Variants in SERINC5 observed in about 807,000 individuals in gnomAD.
The protein encoded by SERINC5 is serine incorporator 5.
Under a neutral mutation model 63.1 loss-of-function variants are expected in SERINC5, and 41 were observed. That is an observed-to-expected ratio of 0.65 (90% CI 0.51 to 0.84). The LOEUF (loss-of-function observed/expected upper bound fraction) is 0.84. Among genes scored for constraint, SERINC5 ranks in the 40% least tolerant of loss-of-function variants. The probability of loss-of-function intolerance (pLI) is 0.00; values close to 1 mark genes in which losing one functional copy is unlikely to be tolerated. For synonymous variants in SERINC5, 222 were observed against 215.2 expected (o/e 1.03, Z -0.28); for missense variants, 523 against 573.0 (o/e 0.91, Z 0.89).
chr5:80,200,435 G>T (rs4703804), intron 2 of SERINC5, among the ~76,000 whole-genome samples: 33,196 of 150,812 alleles, frequency 0.22, 4,593 homozygotes, highest in East Asian at 0.49. Flanking sequence ...GCAGTGAGCC[G>T]AGATCGCACC....
chr5:80,168,319 C>G (rs1300632421), intron 6 of SERINC5, among the ~76,000 whole-genome samples: 1 of 152,008 alleles, frequency 6.6e-6, no homozygotes, highest in Non-Finnish European at 1.5e-5. Context: ...CTCTCAGCCT[C>G]CCGGGTAGCT....
chr5:80,243,743 T>TTAAA (rs70982044), intron 1 of SERINC5, among the ~76,000 whole-genome samples: 44,945 of 139,866 alleles, frequency 0.32, 7,415 homozygotes, highest in Admixed American at 0.36. Flanking sequence ...CTGTCTCTAT[T>TTAAA]TAAATAAATA....
intron 5 of SERINC5, among the ~76,000 whole-genome samples, chr5:80,173,990 C>T (rs1747851329): frequency 6.6e-6 from 1 of 151,978 alleles, no homozygotes; most frequent in African/African-American, 2.4e-5. Context: ...AAAAAGAACA[C>T]ACCAGTTAGT....
At chr5:80,116,161 T>C (rs1415068097) in intron 11 of SERINC5, 1 of 380,264 alleles carries the variant, frequency 2.6e-6, no homozygotes, top group African/African-American at 2.1e-5. Context: ...TCTCTGGCAC[T>C]CCATCTTGTC....
intron 1 of SERINC5, among the ~76,000 whole-genome samples, chr5:80,221,187 A>G (rs1435768931): frequency 1.3e-5 from 2 of 152,122 alleles, no homozygotes; most frequent in Non-Finnish European, 2.9e-5. Flanking sequence ...TGGAGCCTGC[A>G]GGGTAAAAAT....
chr5:80,254,741 C>T (rs1307284913), intron 1 of SERINC5, among the ~76,000 whole-genome samples: 1 of 152,136 alleles, frequency 6.6e-6, no homozygotes, highest in African/African-American at 2.4e-5. Context: ...TCGTCTCAGT[C>T]GTCAAAAGCC....
Position 80,232,101 on chromosome 5 carries a change from T to TA in SERINC5, c.27+23794dup, listed in dbSNP as rs34890012. Among the ~76,000 whole-genome samples, 409 of 119,440 alleles carry TA rather than the reference T, an allele frequency of 3.4e-3. 1 individual carries two copies. Among genetic ancestry groups the TA allele is most frequent in the Middle Eastern group, 5.2e-3 (1 of 194 alleles). 78.4% of individuals were successfully genotyped at this position (119,440 alleles called of 152,430 possible). On this transcript the variant is annotated intron_variant, in intron 1 of 11. Coordinates refer to ENST00000507668, the MANE Select transcript of SERINC5 (RefSeq NM_001174072.3). The stretch of plus-strand genomic sequence containing the variant: ...TGAGAAACAGACCAAGATTCTGTCT[T>TA]AAAAAAAAAAAAAAAAAAAAAGGCC...
At chr5:80,199,840 A>G (rs1247409365) in intron 2 of SERINC5, among the ~76,000 whole-genome samples, 5 of 152,204 alleles carry the variant, frequency 3.3e-5, no homozygotes, top group Admixed American at 2.6e-4. Flanking sequence ...CCACAGTACC[A>G]CAGTGGATCA....
At chr5:80,201,151 G>A (rs780760886) in intron 2 of SERINC5, among the ~76,000 whole-genome samples, 2 of 152,132 alleles carry the variant, frequency 1.3e-5, no homozygotes, top group Non-Finnish European at 2.9e-5. Context: ...AATAGCCCTA[G>A]TTTCAGCACA....
chr5:80,229,050 T>TGGGGGGGGCGG (rs1174325559), intron 1 of SERINC5, among the ~76,000 whole-genome samples: 1 of 94,104 alleles, frequency 1.1e-5, no homozygotes, highest in Non-Finnish European at 2.1e-5. Flanking sequence ...TTTTTTTTTT[T>TGGGGGGGGCGG]GGGGATGGAG....
chr5:80,171,987 T>C (rs914665752), intron 5 of SERINC5, among the ~76,000 whole-genome samples: 2 of 152,212 alleles, frequency 1.3e-5, no homozygotes, highest in African/African-American at 4.8e-5. Context: ...AACATATATG[T>C]ATCAAAACGT....
chr5:80,184,293 C>A (rs1157893623), intron 2 of SERINC5, among the ~76,000 whole-genome samples: 1 of 152,190 alleles, frequency 6.6e-6, no homozygotes, highest in Non-Finnish European at 1.5e-5. Context: ...ACCACATCTT[C>A]CCCATAACAC....
At chr5:80,210,325 A>G (rs1157487489) in intron 1 of SERINC5, among the ~76,000 whole-genome samples, 2 of 152,284 alleles carry the variant, frequency 1.3e-5, no homozygotes, top group African/African-American at 4.8e-5. Flanking sequence ...TCTTACCTGA[A>G]GCTGGGCCTC....
intron 1 of SERINC5, among the ~76,000 whole-genome samples, chr5:80,235,558 T>C (rs543043524): frequency 6.6e-6 from 1 of 152,190 alleles, no homozygotes; most frequent in East Asian, 1.9e-4. Context: ...ACTTTGCCAA[T>C]GAAAACTCTC....
In SERINC5 at chr5:80,140,305, C is replaced by CAAAAA. The variant is rs55718546; in HGVS notation, c.*3353_*3357dup. On this transcript the variant is annotated 3_prime_UTR_variant, in exon 12 of 12. Transcript: ENST00000507668. The stretch of plus-strand genomic sequence containing the variant: ...GTGGCTGACAGAGTGAGCCCGTCTC[C>CAAAAA]AAAAAAAAAAAAAAAAAAAAAAAAA... 38 of 478,236 alleles carry CAAAAA rather than the reference C, an allele frequency of 7.9e-5. 1 individual carries two copies. In the African/African-American group the frequency reaches 1.5e-3, roughly 19 times the overall value. The allele number at this position is 478,236 out of a possible 1,614,324, so 29.6% of individuals were successfully genotyped here. A position where few individuals can be genotyped will look rare whatever the true frequency, so the allele number is the denominator to read the frequency against.
At chr5:80,202,385 T>C (rs888586518) in intron 2 of SERINC5, among the ~76,000 whole-genome samples, 3 of 151,806 alleles carry the variant, frequency 2.0e-5, no homozygotes, top group Admixed American at 1.3e-4. Context: ...AAACAGACGA[T>C]TGTGATGGAC....
At chr5:80,214,282 A>G (rs576803283) in intron 1 of SERINC5, among the ~76,000 whole-genome samples, 1 of 152,312 alleles carries the variant, frequency 6.6e-6, no homozygotes, top group East Asian at 1.9e-4. Context: ...AGGATATATC[A>G]GTACATCAAC....
intron 2 of SERINC5, among the ~76,000 whole-genome samples, chr5:80,179,074 T>C (rs538802420): frequency 2.5e-4 from 38 of 151,996 alleles, no homozygotes; most frequent in African/African-American, 9.2e-4. Flanking sequence ...CCGAGGTGGG[T>C]GGATCACCTG....
At chr5:80,121,466 C>T (rs960677376) in intron 11 of SERINC5, among the ~76,000 whole-genome samples, 11 of 152,114 alleles carry the variant, frequency 7.2e-5, no homozygotes, top group African/African-American at 2.4e-4. Flanking sequence ...AGCATCAAGG[C>T]GTGAGGCATC....
Sources: gnomAD v4.1 joint callset for allele counts (sites outside exome capture counted in the v4.1 genomes callset) on GRCh38, gnomAD v4.1.1 for gene constraint, MANE v1.5 for transcripts, NCBI Gene and HGNC (gene_info 2026-07-23, HGNC 2026-07-21) for gene names.